The following DTNA variants were observed in gnomAD, a reference collection of about 807,000 sequenced individuals.
DTNA encodes dystrophin-related protein 3.
Under a neutral mutation model 100.7 loss-of-function variants are expected in DTNA, and 43 were observed. The ratio of observed to expected loss-of-function variants is 0.43; its 90% CI spans 0.33 to 0.55. DTNA has a LOEUF of 0.55. DTNA is among the 20% of genes least tolerant of loss of function. The pLI, the probability that DTNA is intolerant of heterozygous loss-of-function variation, is 0.04. For missense variants in DTNA, 798 were observed against 953.9 expected (o/e 0.84, Z 2.15); for synonymous variants, 349 against 347.9 (o/e 1.00, Z -0.04).
chr18:34,646,183 A>C (rs2059813229), intron 1 of DTNA, among the ~76,000 whole-genome samples: 1 of 152,214 alleles, frequency 6.6e-6, no homozygotes, highest in East Asian at 1.9e-4. Context: ...TGACAATACA[A>C]CATCTCTCAT....
chr18:34,812,407 C>T (rs1308353594), intron 6 of DTNA, among the ~76,000 whole-genome samples: 1 of 152,158 alleles, frequency 6.6e-6, no homozygotes, highest in African/African-American at 2.4e-5. Context: ...TCTTTTCACA[C>T]TGCTATAAAG....
intron 13 of DTNA, among the ~76,000 whole-genome samples, chr18:34,843,697 C>A (rs2096316904): frequency 6.6e-6 from 1 of 152,064 alleles, no homozygotes; most frequent in African/African-American, 2.4e-5. Context: ...TAGTCACATT[C>A]TAAGGTACTG....
intron 15 of DTNA, among the ~76,000 whole-genome samples, chr18:34,855,297 C>T (rs559742757): frequency 4.6e-5 from 7 of 152,188 alleles, no homozygotes; most frequent in African/African-American, 1.2e-4. Flanking sequence ...ACAGAATGTC[C>T]GCATGTTTAT....
chr18:34,513,327 A>G (rs909320750), intron 1 of DTNA, among the ~76,000 whole-genome samples: 3 of 152,182 alleles, frequency 2.0e-5, no homozygotes, highest in African/African-American at 7.2e-5. Context: ...GCAAAACTAA[A>G]TAGTTATGGT....
At chr18:34,508,259 C>T (rs1044242715) in intron 1 of DTNA, among the ~76,000 whole-genome samples, 5 of 152,140 alleles carry the variant, frequency 3.3e-5, no homozygotes, top group African/African-American at 4.8e-5. Context: ...GGGGGTGTCT[C>T]TGCATTATTT....
chr18:34,736,355 AC>A (rs1423806924), intron 1 of DTNA, among the ~76,000 whole-genome samples: 1 of 152,206 alleles, frequency 6.6e-6, no homozygotes, highest in Non-Finnish European at 1.5e-5. Context: ...TTATATATGA[AC>A]CATAATTAAT....
At chr18:34,827,320 C>T (rs1380666934) in intron 9 of DTNA, among the ~76,000 whole-genome samples, 1 of 152,136 alleles carries the variant, frequency 6.6e-6, no homozygotes, top group Non-Finnish European at 1.5e-5. Context: ...GAATATTATA[C>T]AATGAAACAT....
In DTNA at chr18:34,879,532, C is replaced by T. The variant is rs1483255999; in HGVS notation, c.1994-19C>T. 1 of 1,613,750 alleles carries T rather than the reference C, an allele frequency of 6.2e-7. No individual in the cohort carries two copies. The highest frequency in any genetic ancestry group is 2.2e-5 in the East Asian group (1 of 44,866). ...AAATCTAACGAGTCATTCTTTATTT[C>T]TTCAATTGTATCTGCTAGAGGTTGG... On this transcript the variant is annotated intron_variant, in intron 19 of 22. Coordinates refer to ENST00000444659, the MANE Select transcript of DTNA (RefSeq NM_001386795.1).
intron 4 of DTNA, among the ~76,000 whole-genome samples, chr18:34,795,013 G>C (rs2094910237): frequency 6.6e-6 from 1 of 152,136 alleles, no homozygotes; most frequent in South Asian, 2.1e-4. Flanking sequence ...GGATTCCCCT[G>C]AATTACATTC....
chr18:34,802,417 A>G (rs1441600822), intron 4 of DTNA, among the ~76,000 whole-genome samples: 2 of 152,232 alleles, frequency 1.3e-5, no homozygotes, highest in Non-Finnish European at 2.9e-5. Context: ...TGCTTCCTAG[A>G]CACTTAACAG....
intron 17 of DTNA, chr18:34,868,393 C>A: frequency 1.2e-6 from 1 of 817,700 alleles, no homozygotes; most frequent in Non-Finnish European, 1.5e-6. Context: ...CCTATAGAGG[C>A]GGTTCTGCAA....
intron 1 of DTNA, among the ~76,000 whole-genome samples, chr18:34,746,880 C>A (rs2091666827): frequency 6.6e-6 from 1 of 152,096 alleles, no homozygotes; most frequent in Non-Finnish European, 1.5e-5. Flanking sequence ...AAGTACCTAG[C>A]CTCTTACCAA....
chr18:34,536,258 T>C (rs774687150), intron 1 of DTNA, among the ~76,000 whole-genome samples: 36 of 152,008 alleles, frequency 2.4e-4, no homozygotes, highest in Non-Finnish European at 4.7e-4. Flanking sequence ...AATGTAAATT[T>C]GTCTTTTTTG....
intron 1 of DTNA, among the ~76,000 whole-genome samples, chr18:34,716,543 A>C (rs2084117601): frequency 6.6e-6 from 1 of 152,194 alleles, no homozygotes; most frequent in South Asian, 2.1e-4. Context: ...GGCCTGGGCA[A>C]CAAGAGTGAA....
chr18:34,511,664 A>G (rs2041105287), intron 1 of DTNA, among the ~76,000 whole-genome samples: 1 of 152,076 alleles, frequency 6.6e-6, no homozygotes, highest in Admixed American at 6.6e-5. Flanking sequence ...GGGTGATATC[A>G]TGGTCAGAAC....
chr18:34,754,677 T>A (rs1295429439), intron 1 of DTNA, among the ~76,000 whole-genome samples: 1 of 152,208 alleles, frequency 6.6e-6, no homozygotes, highest in African/African-American at 2.4e-5. Flanking sequence ...TGGGGTACAA[T>A]GTAATGTGTT....
At chr18:34,839,427 C>A (rs1280733251) in intron 13 of DTNA, among the ~76,000 whole-genome samples, 4 of 152,156 alleles carry the variant, frequency 2.6e-5, no homozygotes, top group Non-Finnish European at 2.9e-5. Context: ...ATGTTAAATT[C>A]AGGAATTAAG....
chr18:34,815,971 G>A lies in DTNA; in HGVS notation c.666G>A (p.Leu222=). The stretch of plus-strand genomic sequence containing the variant: ...TGTCAGATCCTCCCCCGCAGTGTCT[G>A]GTCTGGTTGCCTCTTCTGCATCGAC... The part of the protein sequence containing the change: ...TLMSDPPPQC[L]VWLPLLHRLA... Residue 222 remains leucine (L), a synonymous_variant, in exon 7 of 23, where the codon CTG becomes CTA. Coordinates refer to ENST00000444659, the MANE Select transcript of DTNA (RefSeq NM_001386795.1). 6.2e-7 allele frequency: 1 copy of A among 1,613,798 alleles called. No individual in the cohort carries two copies. Among genetic ancestry groups the A allele is most frequent in the Non-Finnish European group, 8.5e-7 (1 of 1,179,792 alleles).
chr18:34,706,459 G>T (rs1005618292), upstream of DTNA, among the ~76,000 whole-genome samples: 1 of 151,822 alleles, frequency 6.6e-6, no homozygotes, highest in South Asian at 2.1e-4. Flanking sequence ...TTTTCACTAA[G>T]AATACATTCA....
Sources: gnomAD v4.1 joint callset for allele counts (sites outside exome capture counted in the v4.1 genomes callset) on GRCh38, gnomAD v4.1.1 for gene constraint, MANE v1.5 for transcripts, NCBI Gene and HGNC (gene_info 2026-07-23, HGNC 2026-07-21) for gene names.